The following ZFHX4 variants were observed in gnomAD, a reference collection of about 807,000 sequenced individuals.
ZFHX4 encodes the protein zinc finger homeobox 4.
In ZFHX4, 56 loss-of-function variants were observed where a neutral mutation model predicts 267.6. The observed-to-expected ratio is 0.21, with a 90% CI of 0.17 to 0.26. ZFHX4 has a LOEUF of 0.26. Among genes scored for constraint, ZFHX4 ranks in the 10% least tolerant of loss-of-function variants. The probability of loss-of-function intolerance (pLI) is 1.00; values close to 1 mark genes in which losing one functional copy is unlikely to be tolerated. For synonymous variants in ZFHX4, 1,778 were observed against 1,665.6 expected, an observed-to-expected ratio of 1.07 and a Z score of -1.64; for missense variants, 4,332 against 4,420.0, an observed-to-expected ratio of 0.98 and a Z score of 0.56.
chr8:76,712,610 GAA>G (rs1325465363), intron 3 of ZFHX4, among the ~76,000 whole-genome samples: 1 of 151,770 alleles, frequency 6.6e-6, no homozygotes, highest in Non-Finnish European at 1.5e-5. Context: ...GTCATTGTGT[GAA>G]AAAAAATTGG....
intron 3 of ZFHX4, among the ~76,000 whole-genome samples, chr8:76,738,850 G>A (rs1478442955): frequency 2.0e-5 from 3 of 151,868 alleles, no homozygotes; most frequent in Admixed American, 6.6e-5. Flanking sequence ...CAGTAGCTGG[G>A]ACCACTGGCA....
At position 76,867,240 on chromosome 8, in the gene ZFHX4, G is replaced by A. The variant is rs774649743; in HGVS notation, c.*2675G>A. ...CTTCTGGAAATAGTTCATCAAGTAT[G>A]TTTGTTGCTCATTGTGATACATTAA... is the stretch of plus-strand genomic sequence containing the variant. On this transcript the variant is annotated 3_prime_UTR_variant, in exon 11 of 11. Transcript: ENST00000651372. The A allele has an allele frequency of 3.9e-5, 6 of 152,574 alleles. No homozygotes were observed. Among genetic ancestry groups the A allele is most frequent in the Non-Finnish European group, 8.8e-5 (6 of 68,006 alleles). 9.5% of individuals were successfully genotyped at this position (152,574 alleles called of 1,614,324 possible). A position where few individuals can be genotyped will look rare whatever the true frequency, so the allele number is the denominator to read the frequency against.
In ZFHX4 at chr8:76,707,551, A is replaced by G. The variant is rs1808309016; in HGVS notation, c.2596A>G (p.Asn866Asp). 6.4e-7 allele frequency: 1 copy of G among 1,570,516 alleles called. No homozygotes were observed. The highest frequency in any genetic ancestry group is 1.7e-4 in the Middle Eastern group (1 of 5,854). Residue 866 changes from asparagine to aspartate, a missense_variant, in exon 3 of 11, where the codon AAT (asparagine) becomes GAT (aspartate). By Grantham distance (23) the Asn-to-Asp change is conservative. Coordinates refer to ENST00000651372, the MANE Select transcript of ZFHX4 (RefSeq NM_024721.5). ...AAALAPGLVNNELPPEIRLAS... is the reference protein window; with the variant it reads ...AAALAPGLVNDELPPEIRLAS... The stretch of plus-strand genomic sequence containing the variant: ...TTAATTTTTTTTTCCTGTAGTAAAT[A>G]ATGAGCTGCCGCCTGAAATCCGGCT...
intron 3 of ZFHX4, among the ~76,000 whole-genome samples, chr8:76,738,739 T>C (rs554241417): frequency 1.0e-3 from 154 of 147,404 alleles, no homozygotes; most frequent in African/African-American, 3.5e-3. Context: ...TCTCTCTCCT[T>C]CTCTCTTTCT....
chr8:76,792,556 A>C (rs1810865851), intron 4 of ZFHX4, among the ~76,000 whole-genome samples: 2 of 152,202 alleles, frequency 1.3e-5, no homozygotes, highest in Admixed American at 1.3e-4. Context: ...CTGGAAGACC[A>C]CTGGACAAGA....
intron 1 of ZFHX4, among the ~76,000 whole-genome samples, chr8:76,699,333 C>A (rs1448865202): frequency 1.3e-5 from 2 of 152,096 alleles, no homozygotes; most frequent in African/African-American, 4.8e-5. Context: ...TATTTTCTAT[C>A]CCTTTACATC....
chr8:76,738,266 G>A (rs1040125484), intron 3 of ZFHX4, among the ~76,000 whole-genome samples: 19 of 152,222 alleles, frequency 1.2e-4, no homozygotes, highest in African/African-American at 3.6e-4. Flanking sequence ...TGAATGTGTC[G>A]TCTGATGGTG....
intron 1 of ZFHX4, among the ~76,000 whole-genome samples, chr8:76,686,837 G>A (rs566362366): frequency 6.6e-5 from 10 of 152,184 alleles, no homozygotes; most frequent in African/African-American, 2.4e-4. Flanking sequence ...AATATGTTCT[G>A]TCATTGTTGC....
In ZFHX4 at chr8:76,683,773, G is replaced by C. The variant is rs182763501; in HGVS notation, c.-47+2153G>C. 2.6e-5 allele frequency: 4 copies of C among 151,630 alleles called. No homozygotes were observed. In the East Asian group the frequency reaches 7.8e-4, roughly 30 times the overall value. The allele number at this position is 151,630 out of a possible 1,614,324, so 9.4% of individuals were successfully genotyped here. ...TCCCTATAAACGTGGAGTGGTTAAA[G>C]CTCATATGTAGTATTATATTTTTAG... On this transcript the variant is annotated intron_variant, in intron 1 of 10. Transcript: ENST00000651372.
chr8:76,822,049 T>G (rs1002638382), intron 4 of ZFHX4, among the ~76,000 whole-genome samples: 7 of 151,948 alleles, frequency 4.6e-5, no homozygotes, highest in Non-Finnish European at 8.8e-5. Flanking sequence ...CTTCATACCC[T>G]TGCCTACTTG....
At chr8:76,810,639 T>A (rs1304454612) in intron 4 of ZFHX4, among the ~76,000 whole-genome samples, 2 of 152,108 alleles carry the variant, frequency 1.3e-5, no homozygotes, top group African/African-American at 4.8e-5. Flanking sequence ...TCGGCTTCTG[T>A]ATGGATGAAA....
At chr8:76,792,758 T>G (rs920811032) in intron 4 of ZFHX4, among the ~76,000 whole-genome samples, 13 of 152,204 alleles carry the variant, frequency 8.5e-5, no homozygotes, top group African/African-American at 2.7e-4. Flanking sequence ...GAGAAACTAA[T>G]TGCAGGTAAA....
At chr8:76,726,047 C>T (rs1010049310) in intron 3 of ZFHX4, among the ~76,000 whole-genome samples, 1 of 152,044 alleles carries the variant, frequency 6.6e-6, no homozygotes, top group African/African-American at 2.4e-5. Context: ...GTCTTCGGGA[C>T]ACTGGTGTGA....
chr8:76,851,624 A>C lies in ZFHX4; in HGVS notation c.4703A>C (p.Lys1568Thr). 1 of 1,613,844 alleles carries C rather than the reference A, an allele frequency of 6.2e-7. No homozygotes were observed. The highest frequency in any genetic ancestry group is 8.5e-7 in the Non-Finnish European group (1 of 1,179,842). The change falls in exon 10 of 11, where the codon AAG becomes ACG. Residue 1568 changes from lysine (K) to threonine (T), a missense_variant. Physicochemically the swap from Lys to Thr is moderately conservative, Grantham distance 78. This residue lies in a region of ZFHX4 where 1,371 missense variants were observed against 1,423.1 expected (regional missense o/e 0.96). Coordinates refer to ENST00000651372, the MANE Select transcript of ZFHX4 (RefSeq NM_024721.5). The stretch of plus-strand genomic sequence containing the variant: ...TATAATTCAGTTTCTCACTTGCATA[A>C]GCTGAAAAAAGTTTTGCAGGAAGCC... ...VHYNSVSHLH[K>T]LKKVLQEASS...
chr8:76,802,732 C>T (rs551557568), intron 4 of ZFHX4, among the ~76,000 whole-genome samples: 2 of 152,230 alleles, frequency 1.3e-5, no homozygotes, highest in South Asian at 2.1e-4. Flanking sequence ...AAGGCTTTTG[C>T]AGTACTTTGG....
chr8:76,856,419 C>T, intron 10 of ZFHX4, 119 bp downstream of exon 10: 1 of 1,169,806 alleles, frequency 8.5e-7, no homozygotes, highest in East Asian at 2.5e-5. Flanking sequence ...GAAATCAATA[C>T]ATTATTTAAA....
At chr8:76,740,322 G>A (rs1349968294) in intron 3 of ZFHX4, among the ~76,000 whole-genome samples, 2 of 151,904 alleles carry the variant, frequency 1.3e-5, no homozygotes, top group Non-Finnish European at 2.9e-5. Flanking sequence ...AGGGAAGAAA[G>A]GAGAAGAGAG....
At position 76,851,403 on chromosome 8, in the gene ZFHX4, C is replaced by A. The variant is rs770516521; in HGVS notation, c.4482C>A (p.Asp1494Glu). Residue 1494 changes from aspartate (D) to glutamate (E), a missense_variant, in exon 10 of 11, where the codon GAC (aspartate) becomes GAA (glutamate). By Grantham distance (45) the Asp-to-Glu change is conservative. Coordinates refer to ENST00000651372, the MANE Select transcript of ZFHX4 (RefSeq NM_024721.5). Reference protein sequence around the residue: ...EQEMEREYEVDHEGKASPVGS... With the variant: ...EQEMEREYEVEHEGKASPVGS... ...AAATGGAGAGAGAGTATGAGGTGGA[C>A]CACGAAGGGAAAGCAAGTCCTGTAG... The A allele has an allele frequency of 6.2e-7, 1 of 1,613,768 alleles. No individual in the cohort carries two copies. Among genetic ancestry groups the A allele is most frequent in the Admixed American group, 1.7e-5 (1 of 60,012 alleles).
intron 4 of ZFHX4, among the ~76,000 whole-genome samples, chr8:76,796,671 C>T (rs1585954568): frequency 6.6e-6 from 1 of 152,170 alleles, no homozygotes; most frequent in African/African-American, 2.4e-5. Context: ...GGTCTAACCA[C>T]ACCACCCTGG....
Sources: gnomAD v4.1 joint callset for allele counts (sites outside exome capture counted in the v4.1 genomes callset) on GRCh38, gnomAD v4.1.1 for gene constraint, gnomAD v4.1.1 regional missense constraint, MANE v1.5 for transcripts, NCBI Gene and HGNC (gene_info 2026-07-23, HGNC 2026-07-21) for gene names.